COL4A6: variants seen among roughly 807,000 people sequenced by gnomAD.
COL4A6 encodes collagen alpha-6(IV) chain.
A neutral mutation model predicts 126.7 loss-of-function variants in COL4A6; 59 were observed. The ratio of observed to expected loss-of-function variants is 0.47; its 90% CI spans 0.38 to 0.58. The LOEUF is 0.58. Among genes scored for constraint, COL4A6 ranks in the 20% least tolerant of loss-of-function variants. The probability of loss-of-function intolerance (pLI) is 0.00; values close to 1 mark genes in which losing one functional copy is unlikely to be tolerated. For missense variants in COL4A6, 1,285 were observed against 1,337.3 expected, an observed-to-expected ratio of 0.96 and a Z score of 0.61; for synonymous variants, 547 against 496.6, an observed-to-expected ratio of 1.10 and a Z score of -1.35.
At chrX:108,243,762 A>G (rs1303281557) in intron 3 of COL4A6, among the ~76,000 whole-genome samples, 1 of 111,814 alleles carries the variant, frequency 8.9e-6, no homozygotes, top group East Asian at 2.8e-4. Context: ...TCACATACCC[A>G]TGCATCACTC....
intron 3 of COL4A6, among the ~76,000 whole-genome samples, chrX:108,225,718 G>T (rs2036149366): frequency 8.9e-6 from 1 of 112,990 alleles, no homozygotes; most frequent in Non-Finnish European, 1.9e-5. Flanking sequence ...TATCATCGAA[G>T]AATCTTAAAA....
chrX:108,309,264 G>C (rs1227541308), intron 3 of COL4A6, among the ~76,000 whole-genome samples: 1 of 110,160 alleles, frequency 9.1e-6, no homozygotes, highest in Non-Finnish European at 1.9e-5. Flanking sequence ...CATGGGTCTT[G>C]GTGGCTACAG....
intron 2 of COL4A6, among the ~76,000 whole-genome samples, chrX:108,348,251 T>C (rs59267912): frequency 0.074 from 8,223 of 111,611 alleles, 668 homozygotes; most frequent in African/African-American, 0.23. Flanking sequence ...AGCTAACATA[T>C]CATTTCCGTG....
rs762000116 is a variant in COL4A6, at chrX:108,374,792, C to T, written c.63+63150G>A. ...TTATACTGATTAGACTTCACACTTG[C>T]TTTAAGGGTGTGGGAGTCAGGGTTG... On this transcript the variant is annotated intron_variant, in intron 2 of 44. Transcript: ENST00000334504. Among the ~76,000 whole-genome samples, 4 of 111,913 alleles carry T rather than the reference C, an allele frequency of 3.6e-5. No individual in the cohort carries two copies. The South Asian group carries it at 1.5e-3, about 42-fold the overall frequency.
intron 13 of COL4A6, among the ~76,000 whole-genome samples, chrX:108,197,267 C>T (rs1391159478): frequency 3.6e-5 from 4 of 111,488 alleles, no homozygotes; most frequent in Non-Finnish European, 7.5e-5. Context: ...GGGTTTGTAG[C>T]CATGAATATG....
chrX:108,209,802 G>A (rs1419003732), intron 8 of COL4A6, among the ~76,000 whole-genome samples, 167 bp downstream of exon 8: 4 of 112,127 alleles, frequency 3.6e-5, no homozygotes, highest in Non-Finnish European at 7.5e-5. Context: ...CATCCTCTCA[G>A]TGCTTTCTCA....
intron 2 of COL4A6, among the ~76,000 whole-genome samples, chrX:108,373,102 C>T (rs1368653144): frequency 9.0e-6 from 1 of 111,070 alleles, no homozygotes; most frequent in East Asian, 2.8e-4. Flanking sequence ...TGGTTCTGGG[C>T]CTTAATAAAT....
chrX:108,266,371 C>T (rs375521642), intron 3 of COL4A6, among the ~76,000 whole-genome samples: 12 of 111,557 alleles, frequency 1.1e-4, no homozygotes, highest in African/African-American at 3.6e-4. Context: ...GCTAGTAATG[C>T]TTAAATCTTC....
intron 23 of COL4A6, among the ~76,000 whole-genome samples, chrX:108,182,162 T>C (rs926388995): frequency 8.9e-6 from 1 of 112,469 alleles, no homozygotes; most frequent in African/African-American, 3.2e-5. Context: ...GTGGACAAGA[T>C]ACTTAAACCT....
At chrX:108,320,540 GGTA>G (rs2039001583) in intron 2 of COL4A6, among the ~76,000 whole-genome samples, 1 of 111,252 alleles carries the variant, frequency 9.0e-6, no homozygotes, top group South Asian at 3.9e-4. Flanking sequence ...GCAGTAGAAA[GGTA>G]GTAGGATCAA....
At chrX:108,326,831 A>G (rs1192090511) in intron 2 of COL4A6, among the ~76,000 whole-genome samples, 1 of 112,368 alleles carries the variant, frequency 8.9e-6, no homozygotes, top group Non-Finnish European at 1.9e-5. Flanking sequence ...TAAGCCTGAG[A>G]CTTTAAAATT....
rs771283976 is a variant in COL4A6 at position 108,432,835 on chromosome X, CAAACAAAA to C, written c.63+5099_63+5106del. ...TGGGTGACATAGTGAGACTCTGTCTCAAACAAAAAAACAAAAAAACAAAACAAAACAAA... is the reference window on the plus strand; with the variant it reads ...TGGGTGACATAGTGAGACTCTGTCTCAAACAAAAAAACAAAACAAAACAAA... On this transcript the variant is annotated intron_variant, in intron 2 of 44. Transcript: ENST00000334504. 2.0e-4 allele frequency among the ~76,000 whole-genome samples: 22 copies of C among 108,213 alleles called. No homozygotes were observed. In the South Asian group the frequency reaches 4.0e-3, roughly 20 times the overall value. The allele number at this position is 108,213 out of a possible 115,157, so 94.0% of individuals were successfully genotyped here.
intron 2 of COL4A6, among the ~76,000 whole-genome samples, chrX:108,323,777 A>C (rs1030153525): frequency 8.9e-6 from 1 of 112,175 alleles, no homozygotes. Context: ...CTAATGTTTC[A>C]CTGTTGTATT....
chrX:108,269,754 G>C (rs1006285578), intron 3 of COL4A6, among the ~76,000 whole-genome samples: 1 of 111,844 alleles, frequency 8.9e-6, no homozygotes, highest in Admixed American at 9.5e-5. Context: ...GTGACGTTTG[G>C]ATTTTCTTTT....
At chrX:108,411,475 T>C (rs1045256859) in intron 2 of COL4A6, among the ~76,000 whole-genome samples, 3 of 111,501 alleles carry the variant, frequency 2.7e-5, no homozygotes, top group Admixed American at 9.6e-5. Context: ...GCTAGAACCA[T>C]GTGAGGTGAA....
chrX:108,174,825 A>G (rs1390384954), intron 30 of COL4A6, among the ~76,000 whole-genome samples: 1 of 111,328 alleles, frequency 9.0e-6, no homozygotes, highest in African/African-American at 3.3e-5. Flanking sequence ...AAAGCAGCAC[A>G]GTGCTCAGGG....
At chrX:108,174,644 T>A (rs1468333355) in intron 30 of COL4A6, 23 bp from the exon 31 acceptor site, 1 of 1,134,221 alleles carries the variant, frequency 8.8e-7, no homozygotes, top group Non-Finnish European at 1.2e-6. Context: ...TAAAAAGACT[T>A]GGAAAAAGAC....
At chrX:108,214,943 T>C (rs1260393629) in intron 5 of COL4A6, among the ~76,000 whole-genome samples, 2 of 112,158 alleles carry the variant, frequency 1.8e-5, no homozygotes, top group African/African-American at 6.5e-5. Context: ...GCTTCCTTGG[T>C]ACATAGAGTC....
intron 3 of COL4A6, among the ~76,000 whole-genome samples, chrX:108,308,469 C>T (rs1323267401): frequency 8.9e-6 from 1 of 112,130 alleles, no homozygotes; most frequent in East Asian, 2.8e-4. Context: ...TCACTTGCAT[C>T]GATTTGGGTC....
Sources: gnomAD v4.1 joint callset for allele counts (sites outside exome capture counted in the v4.1 genomes callset) on GRCh38, gnomAD v4.1.1 for gene constraint, MANE v1.5 for transcripts, NCBI Gene and HGNC (gene_info 2026-07-23, HGNC 2026-07-21) for gene names.